Variants in NAALADL2 observed in about 807,000 individuals in gnomAD.
NAALADL2 encodes inactive N-acetylated-alpha-linked acidic dipeptidase-like protein 2.
NAALADL2 carries 76 observed loss-of-function variants against 87.2 expected under a neutral mutation model. That is an observed-to-expected ratio of 0.87 (90% CI 0.72 to 1.05). The LOEUF is 1.05. NAALADL2 is among the 50% of genes least tolerant of loss of function. The pLI, the probability that NAALADL2 is intolerant of heterozygous loss-of-function variation, is 0.00. For synonymous variants in NAALADL2, 354 were observed against 331.0 expected (o/e 1.07, Z -0.75); for missense variants, 1,089 against 945.8 (o/e 1.15, Z -1.99).
chr3:175,155,071 G>A (rs1030557954), intron 2 of NAALADL2, among the ~76,000 whole-genome samples: 1 of 152,024 alleles, frequency 6.6e-6, no homozygotes, highest in Non-Finnish European at 1.5e-5. Context: ...TGACCTTGAG[G>A]GTTTTAAAAA....
chr3:174,727,051 A>C (rs1732264160), intron 2 of NAALADL2, among the ~76,000 whole-genome samples: 1 of 152,224 alleles, frequency 6.6e-6, no homozygotes. Context: ...GAATCAGGAA[A>C]TAAAAGAAAG....
At chr3:175,802,754 A>G (rs1439595702) in intron 13 of NAALADL2, among the ~76,000 whole-genome samples, 1 of 151,600 alleles carries the variant, frequency 6.6e-6, no homozygotes, top group African/African-American at 2.4e-5. Flanking sequence ...TTTGTTTCGT[A>G]GTGTTGTGTA....
intron 3 of NAALADL2, among the ~76,000 whole-genome samples, chr3:174,812,094 A>G (rs1322036336): frequency 7.2e-5 from 11 of 152,174 alleles, no homozygotes; most frequent in Non-Finnish European, 1.5e-5. Context: ...CAGCCTGCAG[A>G]ACCATGAGCC....
intron 1 of NAALADL2, chr3:174,441,122 C>G (rs1055269112): frequency 6.6e-6 from 1 of 152,318 alleles, no homozygotes; most frequent in African/African-American, 2.4e-5. Context: ...TCCGTGTCTC[C>G]TTGCTCCTCC....
chr3:175,370,097 G>A (rs1191915540), intron 5 of NAALADL2, among the ~76,000 whole-genome samples: 1 of 151,866 alleles, frequency 6.6e-6, no homozygotes, highest in African/African-American at 2.4e-5. Flanking sequence ...TTACTACAAA[G>A]GATAAAAGAA....
intron 11 of NAALADL2, among the ~76,000 whole-genome samples, chr3:175,722,070 T>C (rs1348641496): frequency 1.3e-5 from 2 of 152,122 alleles, no homozygotes; most frequent in African/African-American, 4.8e-5. Flanking sequence ...TTTTGTTGTC[T>C]GTAAAAGTAA....
intron 2 of NAALADL2, among the ~76,000 whole-genome samples, chr3:174,603,775 T>C (rs1033618345): frequency 6.6e-6 from 1 of 152,110 alleles, no homozygotes; most frequent in Non-Finnish European, 1.5e-5. Flanking sequence ...GTGTATTGTA[T>C]TTCCATTATC....
At chr3:175,140,907 A>G (rs1729896446) in intron 2 of NAALADL2, among the ~76,000 whole-genome samples, 1 of 152,124 alleles carries the variant, frequency 6.6e-6, no homozygotes, top group South Asian at 2.1e-4. Flanking sequence ...GCAGTAAATC[A>G]CTTAAGATGG....
intron 1 of NAALADL2, among the ~76,000 whole-genome samples, chr3:175,036,753 GT>G (rs1308987218): frequency 7.4e-6 from 1 of 134,920 alleles, no homozygotes; most frequent in Non-Finnish European, 1.6e-5. Context: ...ATATTTTATT[GT>G]TTTTCCTAAT....
chr3:174,644,983 C>A (rs1261841078), intron 2 of NAALADL2, among the ~76,000 whole-genome samples: 1 of 152,174 alleles, frequency 6.6e-6, no homozygotes, highest in Non-Finnish European at 1.5e-5. Context: ...GGAATATTTT[C>A]TCTGCCATTG....
intron 2 of NAALADL2, among the ~76,000 whole-genome samples, chr3:174,696,593 T>TAAAAAAAAAA (rs62946360): frequency 1.8e-5 from 2 of 110,520 alleles, no homozygotes; most frequent in African/African-American, 3.8e-5. Context: ...TGTAGTTATC[T>TAAAAAAAAAA]AAAAAAAAAA....
At chr3:174,489,679 C>A (rs776961825) in intron 1 of NAALADL2, among the ~76,000 whole-genome samples, 1 of 151,914 alleles carries the variant, frequency 6.6e-6, no homozygotes, top group Non-Finnish European at 1.5e-5. Flanking sequence ...AGACATTTCT[C>A]AGAAGAAGAA....
At chr3:174,544,009 CA>C (rs5854580) in intron 1 of NAALADL2, among the ~76,000 whole-genome samples, 95,456 of 134,748 alleles carry the variant, frequency 0.71, 32,412 homozygotes, top group Admixed American at 0.76. Flanking sequence ...ACTCTGTCTC[CA>C]AAAAAAAAAA....
intron 3 of NAALADL2, among the ~76,000 whole-genome samples, chr3:174,812,927 TAA>T (rs1384408950): frequency 2.0e-5 from 3 of 152,128 alleles, no homozygotes; most frequent in African/African-American, 4.8e-5. Flanking sequence ...ATCAAAAAAG[TAA>T]AGACATTAAA....
intron 3 of NAALADL2, among the ~76,000 whole-genome samples, chr3:174,805,207 C>G (rs1719320927): frequency 6.6e-6 from 1 of 152,066 alleles, no homozygotes; most frequent in Non-Finnish European, 1.5e-5. Context: ...CAAGTGGTTG[C>G]TTCCTACTTA....
intron 1 of NAALADL2, among the ~76,000 whole-genome samples, chr3:174,975,588 G>A (rs552690269): frequency 4.6e-5 from 7 of 152,098 alleles, no homozygotes; most frequent in Non-Finnish European, 7.4e-5. Context: ...CAGAACTTGT[G>A]AATTTGGTGG....
chr3:174,617,025 T>C (rs912696153), intron 2 of NAALADL2, among the ~76,000 whole-genome samples: 5 of 151,760 alleles, frequency 3.3e-5, no homozygotes, highest in African/African-American at 1.2e-4. Flanking sequence ...TAAAATAATA[T>C]GATTTGGAAT....
chr3:175,295,745 A>ACACACACACACACACCCCCACC (rs1369539965), intron 4 of NAALADL2, among the ~76,000 whole-genome samples: 1 of 145,420 alleles, frequency 6.9e-6, no homozygotes, highest in South Asian at 2.2e-4. Flanking sequence ...ACACACACAC[A>ACACACACACACACACCCCCACC]CTCCCTCTCT....
At chr3:175,651,897 C>T (rs545733332) in intron 11 of NAALADL2, among the ~76,000 whole-genome samples, 27 of 152,236 alleles carry the variant, frequency 1.8e-4, no homozygotes, top group African/African-American at 5.3e-4. Context: ...GAGAAGCAAA[C>T]GAAAACGAAA....
Sources: gnomAD v4.1 joint callset for allele counts (sites outside exome capture counted in the v4.1 genomes callset) on GRCh38, gnomAD v4.1.1 for gene constraint, MANE v1.5 for transcripts, NCBI Gene and HGNC (gene_info 2026-07-23, HGNC 2026-07-21) for gene names.